PXK: variants seen among roughly 807,000 people sequenced by gnomAD.
PXK encodes PX domain-containing protein kinase-like protein.
In PXK, 35 loss-of-function variants were observed where a neutral mutation model predicts 84.7. That is an observed-to-expected ratio of 0.41 (90% CI 0.32 to 0.55). The LOEUF is 0.55. Ranked by LOEUF, PXK falls within the 20% of genes least tolerant of loss-of-function variation. The pLI is 0.21. For missense variants in PXK, 634 were observed against 699.7 expected (o/e 0.91, Z 1.06); for synonymous variants, 253 against 260.8 (o/e 0.97, Z 0.29).
At chr3:58,378,690 A>G (rs1451924537) in intron 3 of PXK, among the ~76,000 whole-genome samples, 2 of 144,790 alleles carry the variant, frequency 1.4e-5, no homozygotes, top group East Asian at 4.3e-4. Context: ...ATGCATCACC[A>G]TGCTCAGCTA....
Position 58,385,044 on chromosome 3 carries a change from G to C in PXK, c.388+2344G>C, listed in dbSNP as rs2098539753. 6.6e-6 allele frequency among the ~76,000 whole-genome samples: 1 copy of C among 152,158 alleles called. No homozygotes were observed. The highest frequency in any genetic ancestry group is 2.4e-5 in the African/African-American group (1 of 41,426). On this transcript the variant is annotated intron_variant, in intron 4 of 17. Transcript: ENST00000356151. The surrounding 1 kb of genome is among the most constrained non-coding windows in gnomAD (Gnocchi z 5.1). ...TAAAATGCTTTGTAACTCCTAGAAG[G>C]TTGTCTATTCTGACAGTTGTTGGTT...
Position 58,379,934 on chromosome 3 carries a change from T to C in PXK, c.202-2580T>C, listed in dbSNP as rs2098482337. ...CTACAGTGAGCGGTGATCATGCCAC[T>C]GCACTTTAGCCTGGGTGACAGGGTG... On this transcript the variant is annotated intron_variant, in intron 3 of 17. Transcript: ENST00000356151. This position sits in a 1 kb window ranked among gnomAD's most constrained non-coding sequence, Gnocchi z 5.1. Among the ~76,000 whole-genome samples the C allele has an allele frequency of 6.6e-6, 1 of 152,034 alleles. No homozygotes were observed. Among genetic ancestry groups the C allele is most frequent in the African/African-American group, 2.4e-5 (1 of 41,404 alleles).
chr3:58,369,570 A>G, intron 3 of PXK, 92 bp downstream of exon 3: 1 of 1,005,142 alleles, frequency 9.9e-7, no homozygotes, highest in Non-Finnish European at 1.5e-6. Flanking sequence ...CAACGCCTGT[A>G]ATCCCAGCAC....
chr3:58,421,780 G>T lies in PXK; in HGVS notation c.1529-2972G>T. 1.0e-6 allele frequency: 1 copy of T among 985,468 alleles called. No homozygotes were observed. Among genetic ancestry groups the T allele is most frequent in the Non-Finnish European group, 1.2e-6 (1 of 829,940 alleles). 61.0% of individuals were successfully genotyped at this position (985,468 alleles called of 1,614,324 possible). On this transcript the variant is annotated intron_variant, in intron 17 of 17. Coordinates refer to ENST00000356151, the MANE Select transcript of PXK (RefSeq NM_017771.5). The surrounding 1 kb of genome is among the most constrained non-coding windows in gnomAD (Gnocchi z 5.5). ...GATTTTGGGGTGGGTAGAGTAAGTA[G>T]TTGGCTCTCAGGGATTTTGTCTAAG... is the stretch of plus-strand genomic sequence containing the variant.
chr3:58,384,831 C>T (rs1262265892), intron 4 of PXK, among the ~76,000 whole-genome samples: 1 of 152,162 alleles, frequency 6.6e-6, no homozygotes, highest in Non-Finnish European at 1.5e-5. Context: ...GTGTTCCTTG[C>T]TCTCAGGGAG....
At position 58,409,751 on chromosome 3, in the gene PXK, G is replaced by A. The variant is rs1175763422; in HGVS notation, c.1395+133G>A. 8.2e-6 allele frequency: 6 copies of A among 732,244 alleles called. No individual in the cohort carries two copies. The allele number at this position is 732,244 out of a possible 1,614,324, so 45.4% of individuals were successfully genotyped here. ...TTGAAAGCTAAGACTATTTCCAGAT[G>A]ACTGGGGTGCAGTTTTTTTGGGGAA... On this transcript the variant is annotated intron_variant, in intron 15 of 17. Transcript: ENST00000356151. The surrounding 1 kb of genome is among the most constrained non-coding windows in gnomAD (Gnocchi z 4.2).
chr3:58,403,783 G>A (rs1362836750), intron 12 of PXK, 79 bp from the exon 13 acceptor site: 4 of 847,264 alleles, frequency 4.7e-6, no homozygotes, highest in Admixed American at 2.4e-5. Context: ...TGGGCTAAAG[G>A]TGTCTTAATC....
At chr3:58,359,985 A>C (rs947687375) in intron 1 of PXK, among the ~76,000 whole-genome samples, 3 of 152,102 alleles carry the variant, frequency 2.0e-5, no homozygotes, top group Non-Finnish European at 4.4e-5. Context: ...CCGTTTCTAC[A>C]AAAAATTTAA....
At chr3:58,384,847 A>G (rs2098538130) in intron 4 of PXK, among the ~76,000 whole-genome samples, 5 of 152,200 alleles carry the variant, frequency 3.3e-5, no homozygotes, top group Admixed American at 3.3e-4. Flanking sequence ...GGGAGCTGGT[A>G]CCAGAAGTAC....
Position 58,370,198 on chromosome 3 carries a change from A to G in PXK, c.201+720A>G, listed in dbSNP as rs968850941. Among the ~76,000 whole-genome samples the G allele has an allele frequency of 2.6e-5, 4 of 152,206 alleles. No individual in the cohort carries two copies. Among genetic ancestry groups the G allele is most frequent in the African/African-American group, 7.2e-5 (3 of 41,456 alleles). ...CATGCAGCAGTAACTGAGAGTCTCA[A>G]CCTTTTTCTGTTTAACTTTTTTATC... On this transcript the variant is annotated intron_variant, in intron 3 of 17. Transcript: ENST00000356151. This position sits in a 1 kb window ranked among gnomAD's most constrained non-coding sequence, Gnocchi z 4.2.
rs2062636934 is a variant in PXK, at chr3:58,425,009, ACCCCTACCCCCCAAACTACCCTCTT to A, written c.*52_*76del. The A allele has an allele frequency of 6.3e-7, 1 of 1,594,344 alleles. No individual in the cohort carries two copies. Among genetic ancestry groups the A allele is most frequent in the Admixed American group, 1.7e-5 (1 of 57,598 alleles). On this transcript the variant is annotated 3_prime_UTR_variant, in exon 18 of 18. Coordinates refer to ENST00000356151, the MANE Select transcript of PXK (RefSeq NM_017771.5). ...GAAAAGTTCTTTTTTATTCCTACTC[ACCCCTACCCCCCAAACTACCCTCTT>A]CCTGGGAAAGTAATTGCTGAGCCAG...
chr3:58,394,439 TTCATGCCAGCTAC>T, intron 7 of PXK, among the ~76,000 whole-genome samples: 1 of 152,212 alleles, frequency 6.6e-6, no homozygotes, highest in Non-Finnish European at 1.5e-5. Flanking sequence ...GGTAGGAAGA[TTCATGCCAGCTAC>T]TGTGGAAAGG....
At chr3:58,336,060 TATATATATA>T (rs2097590281) in intron 1 of PXK, among the ~76,000 whole-genome samples, 1 of 57,066 alleles carries the variant, frequency 1.8e-5, no homozygotes, top group African/African-American at 1.2e-4. Flanking sequence ...TATATATATA[TATATATATA>T]TATTTTTTTT....
intron 1 of PXK, among the ~76,000 whole-genome samples, chr3:58,343,575 G>A (rs1415175860): frequency 6.6e-6 from 1 of 152,218 alleles, no homozygotes; most frequent in East Asian, 1.9e-4. Context: ...GGACAGGAGG[G>A]TCTGTGCATA....
At chr3:58,382,482 A>T in intron 3 of PXK, 32 bp from the exon 4 acceptor site, 2 of 1,434,216 alleles carry the variant, frequency 1.4e-6, no homozygotes, top group South Asian at 2.8e-5. Flanking sequence ...TGTGGATGAC[A>T]TGAGTGTAAC....
Position 58,424,982 on chromosome 3 carries a change from G to C in PXK, c.*22G>C. On this transcript the variant is annotated 3_prime_UTR_variant, in exon 18 of 18. Coordinates refer to ENST00000356151, the MANE Select transcript of PXK (RefSeq NM_017771.5). The stretch of plus-strand genomic sequence containing the variant: ...CTGAAGCTTCCTGTTTACACTTGGA[G>C]GGAAAAGTTCTTTTTTATTCCTACT... 1.2e-6 allele frequency: 2 copies of C among 1,613,022 alleles called. No homozygotes were observed. The highest frequency in any genetic ancestry group is 1.7e-6 in the Non-Finnish European group (2 of 1,179,564).
intron 1 of PXK, among the ~76,000 whole-genome samples, chr3:58,352,919 C>T (rs1350590463): frequency 1.3e-5 from 2 of 152,174 alleles, no homozygotes; most frequent in African/African-American, 2.4e-5. Flanking sequence ...ACGCTCATCT[C>T]ACTGCAGGGA....
chr3:58,352,329 G>A lies in PXK; in HGVS notation c.103-13545G>A, dbSNP rs1042745873. On this transcript the variant is annotated intron_variant, in intron 1 of 17. Coordinates refer to ENST00000356151, the MANE Select transcript of PXK (RefSeq NM_017771.5). ...ACTCAGGTCAGTGCCAGTGAAGGGC[G>A]TGAGGGATGAGGAGCTGGCCACCTC... Among the ~76,000 whole-genome samples the A allele has an allele frequency of 7.9e-5, 12 of 152,322 alleles. No homozygotes were observed. The South Asian group carries it at 8.3e-4, about 11-fold the overall frequency.
chr3:58,393,393 C>T (rs1002226490), intron 7 of PXK, among the ~76,000 whole-genome samples: 3 of 152,034 alleles, frequency 2.0e-5, no homozygotes, highest in African/African-American at 7.2e-5. Flanking sequence ...TAATCCCAGT[C>T]AAACAGAAGT....
Sources: allele counts gnomAD v4.1 joint callset (sites outside exome capture counted in the v4.1 genomes callset), GRCh38; gene constraint gnomAD v4.1.1; non-coding constraint Gnocchi (gnomAD v3.1); transcripts MANE v1.5; gene names NCBI Gene and HGNC (gene_info 2026-07-23, HGNC 2026-07-21).